Variants in PIGU observed in about 807,000 individuals in gnomAD.
PIGU encodes GPI-anchor transamidase component PIGU.
PIGU carries 24 observed loss-of-function variants against 49.9 expected under a neutral mutation model. The observed-to-expected ratio is 0.48, with a 90% CI of 0.35 to 0.68. PIGU has a LOEUF of 0.68. Ranked by LOEUF, PIGU falls within the 30% of genes least tolerant of loss-of-function variation. The pLI, the probability that PIGU is intolerant of heterozygous loss-of-function variation, is 0.01. For synonymous variants in PIGU, 220 were observed against 205.7 expected, an observed-to-expected ratio of 1.07 and a Z score of -0.59; for missense variants, 490 against 532.6, an observed-to-expected ratio of 0.92 and a Z score of 0.79.
At chr20:34,646,742 T>C in intron 2 of PIGU, among the ~76,000 whole-genome samples, 1 of 152,188 alleles carries the variant, frequency 6.6e-6, no homozygotes. Flanking sequence ...GAAAATATAT[T>C]CTAACTTCCA....
chr20:34,650,700 C>CT lies in PIGU; in HGVS notation c.196-5367dup, dbSNP rs59998699. Among the ~76,000 whole-genome samples the CT allele has an allele frequency of 9.1e-3, 354 of 38,734 alleles. 59 individuals are homozygous for CT. Among genetic ancestry groups the CT allele is most frequent in the Non-Finnish European group, 0.012 (272 of 22,774 alleles). The allele number at this position is 38,734 out of a possible 152,430, so 25.4% of individuals were successfully genotyped here. ...AATTTTTTTCCTTTTCTTTTTTTCTCTTTTTTTTTTTTTTTTTTTTTTTTT... is the reference window on the plus strand; with the variant it reads ...AATTTTTTTCCTTTTCTTTTTTTCTCTTTTTTTTTTTTTTTTTTTTTTTTTT... On this transcript the variant is annotated intron_variant, in intron 2 of 11. Transcript: ENST00000217446.
intron 2 of PIGU, among the ~76,000 whole-genome samples, chr20:34,652,974 G>GTT (rs1297140166): frequency 1.5e-4 from 21 of 136,294 alleles, no homozygotes; most frequent in Non-Finnish European, 2.2e-4. Flanking sequence ...GTCAAGTTGG[G>GTT]TTTTTTTTTT....
chr20:34,566,593 T>C (rs928141191), intron 11 of PIGU, among the ~76,000 whole-genome samples: 1 of 152,170 alleles, frequency 6.6e-6, no homozygotes, highest in African/African-American at 2.4e-5. Flanking sequence ...GTGTCTGCCC[T>C]GGTCCAGGCC....
chr20:34,565,772 GCA>G (rs1465823554), intron 11 of PIGU, among the ~76,000 whole-genome samples: 3 of 145,078 alleles, frequency 2.1e-5, no homozygotes, highest in African/African-American at 5.2e-5. Flanking sequence ...GCTCACACAT[GCA>G]CACACAGGTG....
intron 1 of PIGU, among the ~76,000 whole-genome samples, chr20:34,658,180 A>G (rs1986773375): frequency 6.6e-6 from 1 of 152,188 alleles, no homozygotes; most frequent in Admixed American, 6.5e-5. Context: ...TTTTTGGTGG[A>G]GACGGGGTTT....
At chr20:34,675,873 A>T (rs773346169) in intron 1 of PIGU, among the ~76,000 whole-genome samples, 1 of 152,030 alleles carries the variant, frequency 6.6e-6, no homozygotes, top group African/African-American at 2.4e-5. Flanking sequence ...AAAACAAAAA[A>T]ACTTTAGCAT....
intron 7 of PIGU, among the ~76,000 whole-genome samples, chr20:34,606,712 G>A (rs1412687655): frequency 2.0e-5 from 3 of 152,050 alleles, no homozygotes; most frequent in Non-Finnish European, 4.4e-5. Context: ...GATAAGAGTT[G>A]GATTACTTAG....
At chr20:34,605,597 T>G (rs1984581741) in intron 7 of PIGU, among the ~76,000 whole-genome samples, 1 of 152,328 alleles carries the variant, frequency 6.6e-6, no homozygotes, top group South Asian at 2.1e-4. Context: ...CCCTTTGCAG[T>G]AGGTACTATT....
intron 7 of PIGU, among the ~76,000 whole-genome samples, chr20:34,598,922 TTGGGCCCTAACTCC>T (rs1984303037): frequency 6.6e-6 from 1 of 152,098 alleles, no homozygotes; most frequent in Non-Finnish European, 1.5e-5. Context: ...ACTGCATTAT[TTGGGCCCTAACTCC>T]TGGGCCCAAA....
chr20:34,566,157 A>G (rs369834763), intron 11 of PIGU, among the ~76,000 whole-genome samples: 1 of 152,274 alleles, frequency 6.6e-6, no homozygotes, highest in East Asian at 1.9e-4. Flanking sequence ...CCTGCCCAGC[A>G]GCGCTGCAGC....
At chr20:34,639,284 C>T (rs113395698) in intron 4 of PIGU, among the ~76,000 whole-genome samples, 2 of 152,164 alleles carry the variant, frequency 1.3e-5, no homozygotes, top group African/African-American at 4.8e-5. Context: ...ACCTGTAGTC[C>T]CAGCTACTCG....
intron 6 of PIGU, among the ~76,000 whole-genome samples, chr20:34,625,464 C>T (rs1449032790): frequency 6.6e-6 from 1 of 151,066 alleles, no homozygotes; most frequent in Non-Finnish European, 1.5e-5. Flanking sequence ...AAGTATTATC[C>T]TTTTGGGATC....
chr20:34,659,449 G>A (rs1413503209), intron 1 of PIGU, among the ~76,000 whole-genome samples: 3 of 146,756 alleles, frequency 2.0e-5, no homozygotes, highest in Non-Finnish European at 4.5e-5. Flanking sequence ...CCCCCGGCCC[G>A]GCCAGCCGCC....
intron 7 of PIGU, among the ~76,000 whole-genome samples, chr20:34,591,429 T>C (rs1434123410): frequency 3.9e-5 from 6 of 152,198 alleles, no homozygotes; most frequent in African/African-American, 1.4e-4. Context: ...ATCATACTTA[T>C]ATAGAGCAGG....
chr20:34,608,075 T>A (rs1984682572), intron 7 of PIGU, among the ~76,000 whole-genome samples: 1 of 148,648 alleles, frequency 6.7e-6, no homozygotes, highest in Non-Finnish European at 1.5e-5. Flanking sequence ...ACATGACTTT[T>A]TTTTTTTTTT....
At chr20:34,615,523 C>A (rs912660143) in intron 7 of PIGU, among the ~76,000 whole-genome samples, 3 of 152,194 alleles carry the variant, frequency 2.0e-5, no homozygotes, top group African/African-American at 7.2e-5. Context: ...TAGTGCCCCC[C>A]TTATCTGAGG....
At chr20:34,577,917 A>G (rs1040068742) in intron 10 of PIGU, among the ~76,000 whole-genome samples, 5 of 152,218 alleles carry the variant, frequency 3.3e-5, no homozygotes, top group Admixed American at 1.3e-4. Flanking sequence ...ATGCCACCCA[A>G]CTGTGTCAAA....
chr20:34,657,309 AC>A (rs1986733897), intron 1 of PIGU, 65 bp from the exon 2 acceptor site: 1 of 1,184,552 alleles, frequency 8.4e-7, no homozygotes, highest in Non-Finnish European at 1.3e-6. Context: ...ATTGTTAGAT[AC>A]CCCCACAACC....
At chr20:34,568,838 G>A (rs1982884567) in intron 11 of PIGU, among the ~76,000 whole-genome samples, 1 of 152,184 alleles carries the variant, frequency 6.6e-6, no homozygotes. Flanking sequence ...TACAGGGAGG[G>A]GTCAGGGCTG....
Sources: gnomAD v4.1 joint callset for allele counts (sites outside exome capture counted in the v4.1 genomes callset) on GRCh38, gnomAD v4.1.1 for gene constraint, MANE v1.5 for transcripts, NCBI Gene and HGNC (gene_info 2026-07-23, HGNC 2026-07-21) for gene names.